Variants in DAAM2 observed in about 807,000 individuals in gnomAD.
DAAM2 encodes the protein disheveled-associated activator of morphogenesis 2.
DAAM2 carries 39 observed loss-of-function variants against 120.7 expected under a neutral mutation model. That is an observed-to-expected ratio of 0.32 (90% CI 0.25 to 0.42). The LOEUF is 0.42. DAAM2 is among the 10% of genes least tolerant of loss of function. DAAM2 has a pLI of 1.00. For missense variants in DAAM2, 1,283 were observed against 1,401.7 expected, an observed-to-expected ratio of 0.92 and a Z score of 1.35; for synonymous variants, 488 against 524.9, an observed-to-expected ratio of 0.93 and a Z score of 0.96.
At chr6:39,800,821 A>G (rs557626643) in intron 1 of DAAM2, among the ~76,000 whole-genome samples, 10 of 152,322 alleles carry the variant, frequency 6.6e-5, no homozygotes, top group Admixed American at 1.3e-4. Flanking sequence ...CTGAGGCTAC[A>G]TCAGAGCTTC....
intron 10 of DAAM2, among the ~76,000 whole-genome samples, 171 bp downstream of exon 10, chr6:39,873,526 C>T (rs1764749094): frequency 6.6e-6 from 1 of 152,218 alleles, no homozygotes; most frequent in African/African-American, 2.4e-5. Flanking sequence ...TTCCTTCCCT[C>T]CTTGGGGTCA....
intron 1 of DAAM2, among the ~76,000 whole-genome samples, chr6:39,798,276 T>A (rs1449206827): frequency 2.6e-5 from 4 of 152,306 alleles, no homozygotes; most frequent in African/African-American, 9.6e-5. Context: ...GATTCTCAGT[T>A]TTCGCATCTG....
intron 2 of DAAM2, among the ~76,000 whole-genome samples, chr6:39,857,440 T>A (rs905345397): frequency 1.3e-5 from 2 of 152,256 alleles, no homozygotes; most frequent in Non-Finnish European, 2.9e-5. Context: ...GCAGGTTATA[T>A]GAGAAAGGTG....
chr6:39,874,422 T>A (rs533309811), intron 10 of DAAM2, among the ~76,000 whole-genome samples: 1 of 152,324 alleles, frequency 6.6e-6, no homozygotes, highest in Admixed American at 6.5e-5. Context: ...CCAAAGCTCA[T>A]TGCAGCAGGT....
chr6:39,851,457 G>T (rs971344334), intron 1 of DAAM2, among the ~76,000 whole-genome samples: 3 of 152,194 alleles, frequency 2.0e-5, no homozygotes, highest in Non-Finnish European at 2.9e-5. Context: ...ATAAAATGTC[G>T]ACATAGCCAG....
At chr6:39,869,406 G>A (rs1185466684) in intron 7 of DAAM2, among the ~76,000 whole-genome samples, 1 of 152,080 alleles carries the variant, frequency 6.6e-6, no homozygotes, top group Admixed American at 6.6e-5. Context: ...TCAACAGGGT[G>A]AAGCCCCGTC....
intron 1 of DAAM2, among the ~76,000 whole-genome samples, chr6:39,797,131 G>C (rs1378235469): frequency 6.6e-6 from 1 of 152,142 alleles, no homozygotes; most frequent in African/African-American, 2.4e-5. Context: ...GCAGCCCCAT[G>C]TGACCCTCTA....
Position 39,864,485 on chromosome 6 carries a change from A to G in DAAM2, c.311A>G (p.Asp104Gly). 6.2e-7 allele frequency: 1 copy of G among 1,612,348 alleles called. No individual in the cohort carries two copies. The highest frequency in any genetic ancestry group is 1.3e-5 in the African/African-American group (1 of 74,944). Residue 104 changes from aspartate (D) to glycine (G), a missense_variant, in exon 4 of 25, where the codon GAC (aspartate) becomes GGC (glycine). Physicochemically the swap from Asp to Gly is moderately conservative, Grantham distance 94. Coordinates refer to ENST00000274867, the MANE Select transcript of DAAM2 (RefSeq NM_001201427.2). Reference sequence around the variant, plus strand: ...ACCAGCTGGCCTGACTATTACATCGACCGCATCAATTCCATGGCTGCGGTG... The same window carrying G: ...ACCAGCTGGCCTGACTATTACATCGGCCGCATCAATTCCATGGCTGCGGTG... ...LATSWPDYYI[D>G]RINSMAAMQS...
chr6:39,865,147 G>C, intron 5 of DAAM2, 73 bp downstream of exon 5: 1 of 891,072 alleles, frequency 1.1e-6, no homozygotes. Flanking sequence ...CCGAAGCCCT[G>C]TGCAGTGCTC....
chr6:39,808,944 G>C (rs1202957326), intron 1 of DAAM2, among the ~76,000 whole-genome samples: 1 of 152,190 alleles, frequency 6.6e-6, no homozygotes, highest in Non-Finnish European at 1.5e-5. Context: ...ATGGGAGCGT[G>C]GTTTCTCTAA....
chr6:39,855,547 GCTCTGACTCCCCTGGGTAACT>G (rs1763965426), intron 1 of DAAM2, among the ~76,000 whole-genome samples: 1 of 152,236 alleles, frequency 6.6e-6, no homozygotes, highest in Admixed American at 6.5e-5. Flanking sequence ...CCCAGGCTTC[GCTCTGACTCCCCTGGGTAACT>G]CTCTGAGGAC....
Position 39,867,814 on chromosome 6 carries a change from G to A in DAAM2, c.733G>A (p.Val245Met), listed in dbSNP as rs114233535. 1 of 1,607,926 alleles carries A rather than the reference G, an allele frequency of 6.2e-7. No individual in the cohort carries two copies. The highest frequency in any genetic ancestry group is 8.5e-7 in the Non-Finnish European group (1 of 1,177,524). The change falls in exon 6 of 25, where the codon GTG becomes ATG. Residue 245 changes from valine to methionine, a missense_variant. By Grantham distance (21) the Val-to-Met change is conservative. Coordinates refer to ENST00000274867, the MANE Select transcript of DAAM2 (RefSeq NM_001201427.2). ...GCTGCAGGCCATGCTGCACTACCAG[G>A]TGTATGCAGCAGAGCGAACCCGCTT... ...KVLQAMLHYQ[V>M]YAAERTRFQT... is the part of the protein sequence containing the mutation.
chr6:39,824,832 G>A (rs1473259125), intron 1 of DAAM2, among the ~76,000 whole-genome samples: 2 of 152,194 alleles, frequency 1.3e-5, no homozygotes, highest in East Asian at 3.9e-4. Context: ...TCCCCATCCA[G>A]GGTGCATTTA....
chr6:39,897,868 G>A (rs192347538), intron 21 of DAAM2, among the ~76,000 whole-genome samples: 1 of 152,142 alleles, frequency 6.6e-6, no homozygotes, highest in Non-Finnish European at 1.5e-5. Flanking sequence ...ATTACAATGC[G>A]AATGCTGAGG....
chr6:39,821,056 G>A (rs1251052548), intron 1 of DAAM2: 5 of 152,260 alleles, frequency 3.3e-5, no homozygotes, highest in Non-Finnish European at 5.9e-5. Flanking sequence ...CCGAGTCACA[G>A]ACTGGTGTGT....
At chr6:39,869,810 A>C (rs1582705889) in intron 7 of DAAM2, among the ~76,000 whole-genome samples, 1 of 116,092 alleles carries the variant, frequency 8.6e-6, no homozygotes, top group Non-Finnish European at 1.7e-5. Context: ...GCCCTGGGTT[A>C]GGGAAGGCCG....
At chr6:39,825,436 T>C (rs1398125141) in intron 1 of DAAM2, among the ~76,000 whole-genome samples, 2 of 47,512 alleles carry the variant, frequency 4.2e-5, no homozygotes, top group Non-Finnish European at 7.4e-5. Context: ...AAACACAAGG[T>C]CGGGGGGTTG....
intron 6 of DAAM2, 52 bp from the exon 7 acceptor site, chr6:39,868,771 C>G (rs955336138): frequency 1.5e-6 from 2 of 1,362,606 alleles, no homozygotes; most frequent in African/African-American, 2.9e-5. Context: ...AAAGGCCACA[C>G]CTGTTGGGAA....
At chr6:39,803,514 T>C (rs1467696) in intron 1 of DAAM2, among the ~76,000 whole-genome samples, 131,800 of 152,140 alleles carry the variant, frequency 0.87, 58,898 homozygotes, top group Non-Finnish European at 0.99. Flanking sequence ...TCCCATGAGA[T>C]GGGGAGTGGG....
Sources: allele counts gnomAD v4.1 joint callset (sites outside exome capture counted in the v4.1 genomes callset), GRCh38; gene constraint gnomAD v4.1.1; transcripts MANE v1.5; gene names NCBI Gene and HGNC (gene_info 2026-07-23, HGNC 2026-07-21).